PPARGC1A: variants seen among roughly 807,000 people sequenced by gnomAD.
PPARGC1A encodes PPARG coactivator 1 alpha.
In PPARGC1A, 25 loss-of-function variants were observed where a neutral mutation model predicts 88.7. The ratio of observed to expected loss-of-function variants is 0.28; its 90% CI spans 0.21 to 0.39. The LOEUF (loss-of-function observed/expected upper bound fraction) is 0.39. Ranked by LOEUF, PPARGC1A falls within the 10% of genes least tolerant of loss-of-function variation. PPARGC1A has a pLI of 1.00. For synonymous variants in PPARGC1A, 363 were observed against 355.6 expected (o/e 1.02, Z -0.24); for missense variants, 880 against 968.7 (o/e 0.91, Z 1.22).
the PPARGC1A span, among the ~76,000 whole-genome samples, chr4:24,363,444 C>T: frequency 9.4e-3 from 1,425 of 152,244 alleles, 14 homozygotes; most frequent in Non-Finnish European, 0.014. Context: ...ATGTTATTAA[C>T]GTAACATTCA....
chr4:24,444,527 C>T, the PPARGC1A span, among the ~76,000 whole-genome samples: 5 of 151,992 alleles, frequency 3.3e-5, no homozygotes, highest in Non-Finnish European at 7.4e-5. Context: ...ATTTCTACAC[C>T]CAAAGAGCCT....
At chr4:23,900,202 T>C (rs575334477), upstream of PPARGC1A, among the ~76,000 whole-genome samples, 42 of 152,334 alleles carry the variant, frequency 2.8e-4, no homozygotes, top group African/African-American at 8.9e-4. Flanking sequence ...GGATTACATA[T>C]TCTCTGCATT....
At chr4:24,171,069 C>T in the PPARGC1A span, among the ~76,000 whole-genome samples, 1 of 152,038 alleles carries the variant, frequency 6.6e-6, no homozygotes, top group Non-Finnish European at 1.5e-5. Flanking sequence ...AATCTTCATG[C>T]CTATGTCCAA....
the PPARGC1A span, chr4:24,091,515 G>C: frequency 1.0e-6 from 1 of 985,210 alleles, no homozygotes; most frequent in African/African-American, 1.7e-5. Context: ...TCTTCTTCCA[G>C]CCTTGGGGAG....
At chr4:24,101,703 T>C in the PPARGC1A span, among the ~76,000 whole-genome samples, 31 of 152,376 alleles carry the variant, frequency 2.0e-4, no homozygotes, top group African/African-American at 4.6e-4. Flanking sequence ...ACTGACATCA[T>C]AGATACACCC....
intron 2 of PPARGC1A, among the ~76,000 whole-genome samples, chr4:23,852,955 T>C (rs1729568404): frequency 6.6e-6 from 1 of 152,204 alleles, no homozygotes; most frequent in Non-Finnish European, 1.5e-5. Context: ...GCACTTTGTC[T>C]TTTGCAGGTT....
intron 2 of PPARGC1A, among the ~76,000 whole-genome samples, chr4:23,843,649 C>T (rs1169446616): frequency 1.3e-5 from 2 of 151,866 alleles, no homozygotes; most frequent in Non-Finnish European, 2.9e-5. Flanking sequence ...GTACAATAAG[C>T]CTACACAATG....
At chr4:23,828,164 C>T (rs1168893037) in intron 5 of PPARGC1A, among the ~76,000 whole-genome samples, 1 of 152,152 alleles carries the variant, frequency 6.6e-6, no homozygotes, top group African/African-American at 2.4e-5. Context: ...ACCTGGCTAA[C>T]ATTTCAGGAG....
intron 2 of PPARGC1A, among the ~76,000 whole-genome samples, chr4:23,840,784 T>A (rs1005440596): frequency 6.6e-6 from 1 of 152,140 alleles, no homozygotes; most frequent in African/African-American, 2.4e-5. Context: ...GGATTTTCAT[T>A]CTTCTTTTGT....
chr4:24,029,503 T>C, the PPARGC1A span, among the ~76,000 whole-genome samples: 4 of 152,328 alleles, frequency 2.6e-5, no homozygotes, highest in Non-Finnish European at 5.9e-5. Context: ...TAACTGGCTC[T>C]GTGATTTGGG....
At chr4:23,797,297 C>G (rs918755738) in intron 12 of PPARGC1A, among the ~76,000 whole-genome samples, 14 of 152,010 alleles carry the variant, frequency 9.2e-5, no homozygotes, top group Admixed American at 2.6e-4. Context: ...GAATGGTTTT[C>G]TTGTATTGCT....
chr4:23,888,879 T>C (rs1717350135), intron 1 of PPARGC1A: 5 of 952,744 alleles, frequency 5.2e-6, no homozygotes, highest in Non-Finnish European at 3.7e-6. Context: ...TCGCAGTCTT[T>C]TGCCAGATTC....
At chr4:23,917,825 T>TGG in the PPARGC1A span, among the ~76,000 whole-genome samples, 34 of 152,336 alleles carry the variant, frequency 2.2e-4, no homozygotes, top group Admixed American at 3.9e-4. Context: ...TCTGGTAGGA[T>TGG]GGGGTTTGGT....
the PPARGC1A span, among the ~76,000 whole-genome samples, chr4:24,059,278 A>T: frequency 3.3e-5 from 5 of 152,282 alleles, no homozygotes; most frequent in African/African-American, 9.6e-5. Flanking sequence ...GCCTCACCAG[A>T]CTCATGGATT....
chr4:24,330,232 G>C, the PPARGC1A span, among the ~76,000 whole-genome samples: 1 of 152,202 alleles, frequency 6.6e-6, no homozygotes, highest in African/African-American at 2.4e-5. Flanking sequence ...GCTATCATGT[G>C]ACTGCTTTGA....
the PPARGC1A span, among the ~76,000 whole-genome samples, chr4:24,221,745 C>T: frequency 9.1e-3 from 1,385 of 152,170 alleles, 30 homozygotes; most frequent in African/African-American, 0.032. Context: ...TGTACTTCAG[C>T]CTGGGTGACA....
chr4:24,206,710 C>T, the PPARGC1A span, among the ~76,000 whole-genome samples: 1 of 151,786 alleles, frequency 6.6e-6, no homozygotes, highest in Non-Finnish European at 1.5e-5. Context: ...GGTAGTGGCA[C>T]GTGCCTGTAA....
At chr4:24,109,056 A>C in the PPARGC1A span, among the ~76,000 whole-genome samples, 4 of 143,940 alleles carry the variant, frequency 2.8e-5, no homozygotes, top group East Asian at 8.9e-4. Context: ...ACACACACAC[A>C]CCTGAGACCA....
At chr4:23,988,903 T>C in the PPARGC1A span, among the ~76,000 whole-genome samples, 54 of 147,462 alleles carry the variant, frequency 3.7e-4, no homozygotes, top group African/African-American at 1.3e-3. Flanking sequence ...TTTATATAAA[T>C]AGATATTATT....
Sources: allele counts gnomAD v4.1 joint callset (sites outside exome capture counted in the v4.1 genomes callset), GRCh38; gene constraint gnomAD v4.1.1; transcripts MANE v1.5; gene names NCBI Gene and HGNC (gene_info 2026-07-23, HGNC 2026-07-21).